NME4: variants seen among roughly 807,000 people sequenced by gnomAD.
The protein encoded by NME4 is NME/NM23 nucleoside diphosphate kinase 4.
A neutral mutation model predicts 16.4 loss-of-function variants in NME4; 21 were observed. The observed-to-expected ratio is 1.28, with a 90% CI of 0.91 to 1.84. The LOEUF is 1.84. Ranked by LOEUF, NME4 falls within the 40% of genes most tolerant of loss-of-function variation. The pLI, the probability that NME4 is intolerant of heterozygous loss-of-function variation, is 0.00. For missense variants in NME4, 316 were observed against 261.3 expected (o/e 1.21, Z -1.44); for synonymous variants, 132 against 107.5 (o/e 1.23, Z -1.41).
Position 399,071 on chromosome 16 carries a change from T to G in NME4, c.173T>G (p.Ile58Ser), listed in dbSNP as rs1404330712. 6.2e-7 allele frequency: 1 copy of G among 1,604,768 alleles called. No individual in the cohort carries two copies. The highest frequency in any genetic ancestry group is 2.2e-5 in the East Asian group (1 of 44,884). ...CAACGGCGGCTCGTTGGGGACGTGATCCAGCGCTTTGAGAGGCGGGGCTTC... is the reference window on the plus strand; with the variant it reads ...CAACGGCGGCTCGTTGGGGACGTGAGCCAGCGCTTTGAGAGGCGGGGCTTC... Reference protein sequence around the residue: ...GVQRRLVGDVIQRFERRGFTL... With the variant: ...GVQRRLVGDVSQRFERRGFTL... Residue 58 changes from isoleucine (I) to serine (S), a missense_variant, in exon 2 of 5, where the codon ATC (isoleucine) becomes AGC (serine). Physicochemically the swap from Ile to Ser is moderately radical, Grantham distance 142. Transcript: ENST00000219479.
chr16:400,022 C>A, intron 4 of NME4, 197 bp from the exon 5 acceptor site: 1 of 818,434 alleles, frequency 1.2e-6, no homozygotes, highest in Non-Finnish European at 2.0e-6. Context: ...AAGCTGGGGC[C>A]TGGGCGGGTC....
chr16:400,423 C>T lies in NME4; in HGVS notation c.*81C>T. 7 of 1,523,814 alleles carry T rather than the reference C, an allele frequency of 4.6e-6. No individual in the cohort carries two copies. The highest frequency in any genetic ancestry group is 5.3e-6 in the Non-Finnish European group (6 of 1,140,340). The allele number at this position is 1,523,814 out of a possible 1,614,324, so 94.4% of individuals were successfully genotyped here. ...GCAAGAACCCAAGCCCACATCCAAACCTGCCTGTCCCAAACCACTTACTTC... is the reference window on the plus strand; with the variant it reads ...GCAAGAACCCAAGCCCACATCCAAATCTGCCTGTCCCAAACCACTTACTTC... On this transcript the variant is annotated 3_prime_UTR_variant, in exon 5 of 5. Transcript: ENST00000219479.
At position 397,201 on chromosome 16, in the gene NME4, A is replaced by C; in HGVS notation, c.-22A>C. On this transcript the variant is annotated 5_prime_UTR_variant, in exon 1 of 5. Transcript: ENST00000219479. ...CTCCGCGCCCGCTCCTCGCGCTCAC[A>C]GCGGCCCGCGGGCCGGGCGTCATGG... is the stretch of plus-strand genomic sequence containing the variant. 1 of 987,598 alleles carries C rather than the reference A, an allele frequency of 1.0e-6. No individual in the cohort carries two copies. Among genetic ancestry groups the C allele is most frequent in the Non-Finnish European group, 1.2e-6 (1 of 829,334 alleles). 61.2% of individuals were successfully genotyped at this position (987,598 alleles called of 1,614,324 possible). A position where few individuals can be genotyped will look rare whatever the true frequency, so the allele number is the denominator to read the frequency against.
At chr16:398,139 G>C (rs1316164899) in intron 1 of NME4, 5 of 1,530,836 alleles carry the variant, frequency 3.3e-6, no homozygotes, top group African/African-American at 2.8e-5. Context: ...CCCGATGCCG[G>C]AGGGTAGCTT....
Position 399,707 on chromosome 16 carries a change from C to T in NME4, c.408C>T (p.Thr136=). ...HTDSAEAAPG[T]IRGDFSVHIS... ...ACTCGGCTGAGGCTGCCCCAGGAAC[C>T]ATAAGGGGTGACTTCAGCGTCCACA... is the stretch of plus-strand genomic sequence containing the variant. Residue 136 remains threonine (T), a synonymous_variant, in exon 4 of 5, where the codon ACC becomes ACT. Transcript: ENST00000219479. The T allele has an allele frequency of 3.7e-6, 6 of 1,613,002 alleles. No individual in the cohort carries two copies. Among genetic ancestry groups the T allele is most frequent in the Non-Finnish European group, 5.1e-6 (6 of 1,179,916 alleles).
chr16:398,569 G>C (rs767773380), intron 1 of NME4: 26 of 459,440 alleles, frequency 5.7e-5, no homozygotes, highest in Non-Finnish European at 8.3e-5. Context: ...TGAGGCCACT[G>C]AGCTGGGCTG....
chr16:400,119 G>C (rs768762600), intron 4 of NME4, 100 bp from the exon 5 acceptor site: 3 of 1,516,786 alleles, frequency 2.0e-6, no homozygotes, highest in Non-Finnish European at 2.7e-6. Context: ...TCACAGGCTT[G>C]CTCCCCTAGA....
intron 4 of NME4, 115 bp downstream of exon 4, chr16:399,854 G>C: frequency 1.2e-6 from 1 of 819,024 alleles, no homozygotes; most frequent in South Asian, 1.5e-5. Flanking sequence ...AAGCCAGGTC[G>C]GACATGACAG....
rs1042762478 is a variant in NME4, at chr16:399,412, G to A, written c.259G>A (p.Asp87Asn). Reference protein sequence around the residue: ...PESVLAEHYQDLRRKPFYPAL... With the variant: ...PESVLAEHYQNLRRKPFYPAL... Reference sequence around the variant, plus strand: ...GAGCGTCCTTGCCGAGCACTACCAGGACCTGCGGAGGAAGCCCTTCTACCC... The same window carrying A: ...GAGCGTCCTTGCCGAGCACTACCAGAACCTGCGGAGGAAGCCCTTCTACCC... The change falls in exon 3 of 5, where the codon GAC becomes AAC. Residue 87 changes from aspartate to asparagine, a missense_variant. Coordinates refer to ENST00000219479, the MANE Select transcript of NME4 (RefSeq NM_005009.3). 31 of 1,612,998 alleles carry A rather than the reference G, an allele frequency of 1.9e-5. No homozygotes were observed. The highest frequency in any genetic ancestry group is 2.6e-5 in the Non-Finnish European group (31 of 1,179,976).
rs2054634598 is a variant in NME4, at chr16:400,255, C to G, written c.477C>G (p.Ala159=). ...ACGCCAGCGACTCCGTGGAGGGGGC[C>G]CAGCGGGAGATCCAGCTGTGGTTCC... ...VIHASDSVEG[A]QREIQLWFQS... The change falls in exon 5 of 5, where the codon GCC becomes GCG. Residue 159 remains alanine, a synonymous_variant. Coordinates refer to ENST00000219479, the MANE Select transcript of NME4 (RefSeq NM_005009.3). 6 of 1,604,108 alleles carry G rather than the reference C, an allele frequency of 3.7e-6. No individual in the cohort carries two copies. The East Asian group carries it at 1.3e-4, about 36-fold the overall frequency.
chr16:399,033 G>A lies in NME4; in HGVS notation c.135G>A (p.Lys45=). The change falls in exon 2 of 5, where the codon AAG becomes AAA. Residue 45 remains lysine (K), a synonymous_variant. Coordinates refer to ENST00000219479, the MANE Select transcript of NME4 (RefSeq NM_005009.3). ...WTRERTLVAV[K]PDGVQRRLVG... ...GGGAGCGGACCCTGGTGGCGGTGAA[G>A]CCCGATGGCGTGCAACGGCGGCTCG... 1 of 1,609,386 alleles carries A rather than the reference G, an allele frequency of 6.2e-7. No homozygotes were observed. The highest frequency in any genetic ancestry group is 1.1e-5 in the South Asian group (1 of 91,070).
chr16:399,725 C>CG lies in NME4; in HGVS notation c.427dup (p.Val143GlyfsTer29), dbSNP rs775449440. 2.5e-6 allele frequency: 4 copies of CG among 1,612,732 alleles called. No homozygotes were observed. Among genetic ancestry groups the CG allele is most frequent in the Non-Finnish European group, 3.4e-6 (4 of 1,179,764 alleles). Reference sequence around the variant, plus strand: ...CAGGAACCATAAGGGGTGACTTCAGCGTCCACATCAGCAGGTACGGGGGTC... The same window carrying CG: ...CAGGAACCATAAGGGGTGACTTCAGCGGTCCACATCAGCAGGTACGGGGGTC... On this transcript the variant is annotated frameshift_variant, in exon 4 of 5. Transcript: ENST00000219479. LOFTEE classifies it low-confidence loss of function (END_TRUNC).
chr16:399,634 A>G lies in NME4; in HGVS notation c.335A>G (p.Glu112Gly), dbSNP rs1273571945. 6 of 1,613,118 alleles carry G rather than the reference A, an allele frequency of 3.7e-6. No homozygotes were observed. The highest frequency in any genetic ancestry group is 1.1e-5 in the South Asian group (1 of 91,084). The change falls in exon 4 of 5, where the codon GAA becomes GGA. Residue 112 changes from glutamate to glycine, a missense_variant. Glu to Gly is a moderately conservative substitution (Grantham distance 98). Transcript: ENST00000219479. ...CATTATCTCTCGCTGCAGGTCTGGG[A>G]AGGGTACAATGTCGTCCGCGCCTCG... ...SSGPVVAMVWEGYNVVRASRA... is the reference protein window; with the variant it reads ...SSGPVVAMVWGGYNVVRASRA...
At chr16:399,503 GA>G in intron 3 of NME4, 23 bp downstream of exon 3, 2 of 1,609,210 alleles carry the variant, frequency 1.2e-6, no homozygotes, top group African/African-American at 2.7e-5. Flanking sequence ...AGGGGTGGTG[GA>G]AGGGCCTGTG....
intron 1 of NME4, chr16:398,042 C>G: frequency 6.5e-7 from 1 of 1,532,348 alleles, no homozygotes; most frequent in Non-Finnish European, 8.8e-7. Context: ...CTGGGGTTAA[C>G]TTTTCCTCCT....
chr16:400,243 C>T lies in NME4; in HGVS notation c.465C>T (p.Ser155=), dbSNP rs199651759. The T allele has an allele frequency of 6.0e-5, 96 of 1,604,452 alleles. No homozygotes were observed. The Middle Eastern group carries it at 1.3e-3, about 22-fold the overall frequency. ...GGAATGTCATCCACGCCAGCGACTC[C>T]GTGGAGGGGGCCCAGCGGGAGATCC... ...ISRNVIHASD[S]VEGAQREIQL... Residue 155 remains serine (S), a synonymous_variant, in exon 5 of 5, where the codon TCC becomes TCT. Coordinates refer to ENST00000219479, the MANE Select transcript of NME4 (RefSeq NM_005009.3).
At chr16:398,772 G>A (rs560511509) in intron 1 of NME4, 2 of 634,792 alleles carry the variant, frequency 3.2e-6, no homozygotes, top group South Asian at 2.0e-5. Context: ...CCTGGGAGAG[G>A]CTAGAAGCCC....
chr16:397,247 G>A lies in NME4; in HGVS notation c.25G>A (p.Ala9Thr). The A allele has an allele frequency of 1.7e-5, 18 of 1,041,810 alleles. No homozygotes were observed. Among genetic ancestry groups the A allele is most frequent in the Non-Finnish European group, 2.1e-5 (18 of 868,764 alleles). The allele number at this position is 1,041,810 out of a possible 1,614,324, so 64.5% of individuals were successfully genotyped here. Residue 9 changes from alanine (A) to threonine (T), a missense_variant, in exon 1 of 5, where the codon GCG becomes ACG. By Grantham distance (58) the Ala-to-Thr change is moderately conservative. Coordinates refer to ENST00000219479, the MANE Select transcript of NME4 (RefSeq NM_005009.3). MGGLFWRS[A>T]LRGLRCGPRA... is the part of the protein sequence containing the mutation. The stretch of plus-strand genomic sequence containing the variant: ...CATGGGCGGCCTCTTCTGGCGCTCC[G>A]CGCTGCGGGGGCTGCGCTGCGGCCC...
intron 1 of NME4, chr16:398,463 A>C: frequency 1.8e-6 from 2 of 1,122,906 alleles, no homozygotes; most frequent in Non-Finnish European, 2.3e-6. Flanking sequence ...GTTCTTCCTC[A>C]TGTGGAAAGT....
Sources: allele counts gnomAD v4.1 joint callset, GRCh38; gene constraint gnomAD v4.1.1; transcripts MANE v1.5; gene names NCBI Gene and HGNC (gene_info 2026-07-23, HGNC 2026-07-21).